The following SRPK1 variants were observed in gnomAD, a reference collection of about 807,000 sequenced individuals.
SRPK1 encodes SRSF protein kinase 1, also known as SFRS protein kinase 1.
SRPK1 carries 52 observed loss-of-function variants against 89.5 expected under a neutral mutation model. The ratio of observed to expected loss-of-function variants is 0.58; its 90% confidence interval spans 0.46 to 0.73. SRPK1 has a LOEUF of 0.73. Ranked by LOEUF, SRPK1 falls within the 30% of genes least tolerant of loss-of-function variation. SRPK1 has a pLI of 0.00. For missense variants in SRPK1, 603 were observed against 780.6 expected (o/e 0.77, Z 2.71); for synonymous variants, 255 against 270.2 (o/e 0.94, Z 0.55).
chr6:35,891,587 G>C (rs530068777), intron 2 of SRPK1, among the ~76,000 whole-genome samples: 6 of 151,954 alleles, frequency 3.9e-5, no homozygotes, highest in Non-Finnish European at 8.8e-5. Context: ...CCAGCGTGGT[G>C]GTGGGCACCC....
At chr6:35,842,707 G>A in intron 13 of SRPK1, 103 bp from the exon 14 acceptor site, 2 of 662,266 alleles carry the variant, frequency 3.0e-6, no homozygotes, top group African/African-American at 1.9e-5. Flanking sequence ...TGTTCCCTTG[G>A]GAAAACTTAT....
chr6:35,893,420 G>C (rs1388542159), intron 2 of SRPK1, among the ~76,000 whole-genome samples: 1 of 152,042 alleles, frequency 6.6e-6, no homozygotes, highest in Non-Finnish European at 1.5e-5. Flanking sequence ...GCAAGGTTGC[G>C]GCTGCAGTGA....
At chr6:35,890,724 G>C (rs1036894456) in intron 3 of SRPK1, among the ~76,000 whole-genome samples, 171 bp downstream of exon 3, 1 of 152,104 alleles carries the variant, frequency 6.6e-6, no homozygotes, top group African/African-American at 2.4e-5. Flanking sequence ...TATAAAATTA[G>C]GCTTTGATAA....
chr6:35,861,411 C>T (rs1174705671), intron 12 of SRPK1, among the ~76,000 whole-genome samples: 2 of 152,200 alleles, frequency 1.3e-5, no homozygotes, highest in Non-Finnish European at 2.9e-5. Context: ...TGAGTCTAAG[C>T]GGCTTCAGCT....
At chr6:35,900,932 T>C (rs937858931) in intron 2 of SRPK1, among the ~76,000 whole-genome samples, 1 of 152,062 alleles carries the variant, frequency 6.6e-6, no homozygotes, top group Non-Finnish European at 1.5e-5. Context: ...AGGTGGAAGA[T>C]CACTTAAGCC....
intron 8 of SRPK1, among the ~76,000 whole-genome samples, chr6:35,871,644 CAACTT>C (rs1354121846): frequency 1.3e-5 from 2 of 152,130 alleles, no homozygotes; most frequent in Admixed American, 6.6e-5. Flanking sequence ...ACTAATAACT[CAACTT>C]GAGGATCAAG....
At chr6:35,882,112 G>C (rs370504618) in intron 6 of SRPK1, among the ~76,000 whole-genome samples, 2 of 118,258 alleles carry the variant, frequency 1.7e-5, no homozygotes, top group Non-Finnish European at 3.5e-5. Flanking sequence ...AATAGTAGTA[G>C]TAGTACTAGT....
At chr6:35,837,881 T>C (rs1769216102) in intron 15 of SRPK1, among the ~76,000 whole-genome samples, 3 of 151,816 alleles carry the variant, frequency 2.0e-5, no homozygotes, top group Non-Finnish European at 4.4e-5. Context: ...TTTTTTTTTT[T>C]TTGTGAGACA....
intron 14 of SRPK1, chr6:35,838,655 G>A (rs1221109221): frequency 2.0e-6 from 3 of 1,534,216 alleles, no homozygotes; most frequent in African/African-American, 2.7e-5. Context: ...CAATCTTGGT[G>A]TGAATGCTCT....
intron 13 of SRPK1, among the ~76,000 whole-genome samples, chr6:35,843,714 G>C (rs867188118): frequency 6.6e-6 from 1 of 152,202 alleles, no homozygotes; most frequent in African/African-American, 2.4e-5. Flanking sequence ...CTCCCAAAGT[G>C]CTGGGATTAC....
At chr6:35,877,371 A>G (rs1162664738) in intron 6 of SRPK1, among the ~76,000 whole-genome samples, 1 of 152,236 alleles carries the variant, frequency 6.6e-6, no homozygotes, top group Non-Finnish European at 1.5e-5. Context: ...CAACAAGGTA[A>G]AACTTACAAT....
chr6:35,906,148 T>TA (rs1770843068), intron 2 of SRPK1, among the ~76,000 whole-genome samples: 1 of 151,934 alleles, frequency 6.6e-6, no homozygotes, highest in African/African-American at 2.4e-5. Context: ...ACTCAGGAGA[T>TA]ACCATGAAAA....
At chr6:35,879,397 T>A (rs930254206) in intron 6 of SRPK1, among the ~76,000 whole-genome samples, 4 of 151,670 alleles carry the variant, frequency 2.6e-5, no homozygotes, top group Non-Finnish European at 5.9e-5. Flanking sequence ...AAATAAAAAA[T>A]TAGCTGGGTG....
chr6:35,887,939 A>C, intron 5 of SRPK1, 85 bp downstream of exon 5: 1 of 963,840 alleles, frequency 1.0e-6, no homozygotes, highest in Non-Finnish European at 1.5e-6. Context: ...TCCATGCTAA[A>C]GAGCCTCCAC....
chr6:35,852,969 G>C (rs1228173843), intron 13 of SRPK1, among the ~76,000 whole-genome samples: 4 of 152,208 alleles, frequency 2.6e-5, no homozygotes, highest in Non-Finnish European at 2.9e-5. Flanking sequence ...GACAGGCACA[G>C]TGACTCATGC....
At position 35,833,010 on chromosome 6, in the gene SRPK1, T is replaced by C. The variant is rs1019205668; in HGVS notation, c.*2294A>G. 3 of 152,612 alleles carry C rather than the reference T, an allele frequency of 2.0e-5. No homozygotes were observed. The East Asian group carries it at 5.8e-4, about 29-fold the overall frequency. 9.5% of individuals were successfully genotyped at this position (152,612 alleles called of 1,614,324 possible). ...AGGGCAGAGCAATTTGGACAACAAATGAACAGAGATTTTTGGAAACATGTA... is the reference window on the plus strand; with the variant it reads ...AGGGCAGAGCAATTTGGACAACAAACGAACAGAGATTTTTGGAAACATGTA... On this transcript the variant is annotated 3_prime_UTR_variant, in exon 16 of 16. Transcript: ENST00000373825.
intron 5 of SRPK1, among the ~76,000 whole-genome samples, chr6:35,887,342 T>C (rs907584789): frequency 2.6e-5 from 4 of 152,156 alleles, no homozygotes; most frequent in South Asian, 2.1e-4. Flanking sequence ...GGCAGATCAC[T>C]TGAGGCCAGG....
intron 6 of SRPK1, among the ~76,000 whole-genome samples, chr6:35,875,348 C>T (rs899153717): frequency 1.1e-4 from 16 of 151,294 alleles, no homozygotes; most frequent in African/African-American, 3.4e-4. Context: ...CTCTGCCTCT[C>T]GGCACTACAG....
chr6:35,883,836 G>C (rs1253559024), intron 6 of SRPK1, among the ~76,000 whole-genome samples: 1 of 151,654 alleles, frequency 6.6e-6, no homozygotes, highest in Non-Finnish European at 1.5e-5. Flanking sequence ...CCAGGTTCAC[G>C]CCATTCTCCT....
Sources: gnomAD v4.1 joint callset for allele counts (sites outside exome capture counted in the v4.1 genomes callset) on GRCh38, gnomAD v4.1.1 for gene constraint, MANE v1.5 for transcripts, NCBI Gene and HGNC (gene_info 2026-07-23, HGNC 2026-07-21) for gene names.